Variants in EMP1 observed in about 807,000 individuals in gnomAD.
The protein encoded by EMP1 is epithelial membrane protein 1.
In EMP1, 5 loss-of-function variants were observed where a neutral mutation model predicts 15.7. The observed-to-expected ratio is 0.32, with a 90% CI of 0.17 to 0.67. The LOEUF (loss-of-function observed/expected upper bound fraction) is 0.67, where lower values mean the gene tolerates loss of function less well. EMP1 is among the 30% of genes least tolerant of loss of function. EMP1 has a pLI of 0.74. For missense variants in EMP1, 166 were observed against 194.2 expected, an observed-to-expected ratio of 0.85 and a Z score of 0.86; for synonymous variants, 78 against 76.7, an observed-to-expected ratio of 1.02 and a Z score of -0.09.
intron 1 of EMP1, among the ~76,000 whole-genome samples, chr12:13,204,970 G>A (rs1457107649): frequency 6.6e-6 from 1 of 152,198 alleles, no homozygotes; most frequent in Admixed American, 6.5e-5. Flanking sequence ...GGAAGAATTA[G>A]TCTAGTCAGG....
At chr12:13,203,593 G>T (rs1021812231) in intron 1 of EMP1, among the ~76,000 whole-genome samples, 4 of 152,224 alleles carry the variant, frequency 2.6e-5, no homozygotes, top group Non-Finnish European at 5.9e-5. Context: ...CCATTTCCCC[G>T]GCCCGAGCCT....
chr12:13,198,419 G>A (rs1864033561), intron 1 of EMP1, among the ~76,000 whole-genome samples: 1 of 152,224 alleles, frequency 6.6e-6, no homozygotes, highest in African/African-American at 2.4e-5. Context: ...CCTTTAGAAA[G>A]GCAGTACGTT....
intron 1 of EMP1, among the ~76,000 whole-genome samples, chr12:13,197,645 G>T (rs1348480694): frequency 6.6e-6 from 1 of 152,084 alleles, no homozygotes; most frequent in African/African-American, 2.4e-5. Context: ...CATGATGGCA[G>T]GTGCCTGTAA....
intron 1 of EMP1, among the ~76,000 whole-genome samples, chr12:13,206,617 G>A (rs1457434637): frequency 2.0e-5 from 3 of 152,192 alleles, no homozygotes; most frequent in Non-Finnish European, 4.4e-5. Flanking sequence ...TTAAAGAATT[G>A]CTGCTGCCGC....
In EMP1 at chr12:13,219,431, T is replaced by G. The variant is rs1864240903; in HGVS notation, c.*4740T>G. 6 of 152,212 alleles carry G rather than the reference T, an allele frequency of 3.9e-5. No individual in the cohort carries two copies. The highest frequency in any genetic ancestry group is 3.9e-4 in the Admixed American group (6 of 15,284). The allele number at this position is 152,212 out of a possible 1,614,324, so 9.4% of individuals were successfully genotyped here. The stretch of plus-strand genomic sequence containing the variant: ...AACAAGTCTCCAGGAAGCTCCAAAC[T>G]TTCCTTCATCTTCCTGTCTTCTTCT... On this transcript the variant is annotated 3_prime_UTR_variant, in exon 5 of 5. Transcript: ENST00000256951.
Position 13,219,645 on chromosome 12 carries a change from A to G in EMP1, c.*4954A>G, listed in dbSNP as rs1297188144. On this transcript the variant is annotated 3_prime_UTR_variant, in exon 5 of 5. Transcript: ENST00000256951. The stretch of plus-strand genomic sequence containing the variant: ...AGAAAAGAGGTTTAATTGACAAAAA[A>G]GCTAACAAAGTGAGCCCTGATTCAA... 1 of 152,216 alleles carries G rather than the reference A, an allele frequency of 6.6e-6. No homozygotes were observed. The highest frequency in any genetic ancestry group is 2.4e-5 in the African/African-American group (1 of 41,452). The allele number at this position is 152,216 out of a possible 1,614,324, so 9.4% of individuals were successfully genotyped here.
chr12:13,205,710 A>T (rs1206032589), intron 1 of EMP1, among the ~76,000 whole-genome samples: 1 of 152,236 alleles, frequency 6.6e-6, no homozygotes, highest in Non-Finnish European at 1.5e-5. Context: ...GGTTTTAATA[A>T]AAAGCTATGT....
At chr12:13,198,373 G>A (rs2121139722) in intron 1 of EMP1, among the ~76,000 whole-genome samples, 1 of 152,256 alleles carries the variant, frequency 6.6e-6, no homozygotes, top group South Asian at 2.1e-4. Flanking sequence ...AGATGAGAAT[G>A]ACAGGATTCA....
chr12:13,205,453 C>A (rs1034320507), intron 1 of EMP1, among the ~76,000 whole-genome samples: 1 of 151,550 alleles, frequency 6.6e-6, no homozygotes, highest in Non-Finnish European at 1.5e-5. Context: ...AAGTATTAAG[C>A]AATTTCTGAA....
intron 1 of EMP1, chr12:13,209,088 T>G (rs3983741): frequency 0.25 from 37,500 of 152,166 alleles, 5,015 homozygotes; most frequent in East Asian, 0.51. Flanking sequence ...ATTCTGTCAT[T>G]GGCCCCTCCA....
At chr12:13,214,091 G>A (rs1864191960) in intron 4 of EMP1, 1 of 629,648 alleles carries the variant, frequency 1.6e-6, no homozygotes, top group East Asian at 2.7e-5. Context: ...GACACTTCAA[G>A]AAGGCAGAAA....
intron 1 of EMP1, among the ~76,000 whole-genome samples, chr12:13,208,386 C>T (rs1370935395): frequency 3.3e-5 from 5 of 152,136 alleles, no homozygotes; most frequent in Admixed American, 2.6e-4. Flanking sequence ...GTGATCGCCT[C>T]CTCCCAGACT....
intron 2 of EMP1, among the ~76,000 whole-genome samples, chr12:13,213,000 G>T (rs1340375283): frequency 6.6e-6 from 1 of 152,232 alleles, no homozygotes; most frequent in East Asian, 1.9e-4. Context: ...TTAACCACTA[G>T]ATTCATTGTT....
chr12:13,208,861 C>G (rs115026162), intron 1 of EMP1, among the ~76,000 whole-genome samples: 1 of 152,124 alleles, frequency 6.6e-6, no homozygotes, highest in Non-Finnish European at 1.5e-5. Flanking sequence ...GCCAGGCACT[C>G]GCACACACCA....
rs1864236037 is a variant in EMP1 at position 13,218,803 on chromosome 12, A to T, written c.*4112A>T. On this transcript the variant is annotated 3_prime_UTR_variant, in exon 5 of 5. Coordinates refer to ENST00000256951, the MANE Select transcript of EMP1 (RefSeq NM_001423.3). ...GCTGGGGAAATAGAAAATGAAGCAG[A>T]CATGTGTCCCATCTTCTTCCAGCTT... is the stretch of plus-strand genomic sequence containing the variant. 3 of 152,352 alleles carry T rather than the reference A, an allele frequency of 2.0e-5. No homozygotes were observed. In the South Asian group the frequency reaches 6.2e-4, roughly 32 times the overall value. 9.4% of individuals were successfully genotyped at this position (152,352 alleles called of 1,614,324 possible).
intron 1 of EMP1, among the ~76,000 whole-genome samples, chr12:13,198,197 A>G (rs1565576340): frequency 6.6e-6 from 1 of 152,368 alleles, no homozygotes; most frequent in East Asian, 1.9e-4. Context: ...ATGTGATTGT[A>G]TAAATGCAAA....
chr12:13,216,551 G>C lies in EMP1; in HGVS notation c.*1860G>C. The stretch of plus-strand genomic sequence containing the variant: ...TATCCAAAGGGAATACTCACATTTT[G>C]TTAAGAAGTTGAACTATGACTGGAG... On this transcript the variant is annotated 3_prime_UTR_variant, in exon 5 of 5. Transcript: ENST00000256951. The C allele has an allele frequency of 3.0e-6, 2 of 673,992 alleles. No individual in the cohort carries two copies. Among genetic ancestry groups the C allele is most frequent in the Non-Finnish European group, 5.4e-6 (2 of 370,648 alleles). 41.8% of individuals were successfully genotyped at this position (673,992 alleles called of 1,614,324 possible). A position where few individuals can be genotyped will look rare whatever the true frequency, so the allele number is the denominator to read the frequency against.
In EMP1 at chr12:13,214,848, T is replaced by G; in HGVS notation, c.*157T>G. 6 of 617,088 alleles carry G rather than the reference T, an allele frequency of 9.7e-6. No individual in the cohort carries two copies. The highest frequency in any genetic ancestry group is 1.4e-5 in the Non-Finnish European group (5 of 369,284). 38.2% of individuals were successfully genotyped at this position (617,088 alleles called of 1,614,324 possible). A position where few individuals can be genotyped will look rare whatever the true frequency, so the allele number is the denominator to read the frequency against. On this transcript the variant is annotated 3_prime_UTR_variant, in exon 5 of 5. Transcript: ENST00000256951. The stretch of plus-strand genomic sequence containing the variant: ...AAATCCCAAACCATTACTGAGGGGA[T>G]TCTCTACTGCCAAGCCCCTGCCCTG...
At chr12:13,197,455 A>G (rs916627326) in intron 1 of EMP1, among the ~76,000 whole-genome samples, 2 of 152,024 alleles carry the variant, frequency 1.3e-5, no homozygotes, top group South Asian at 4.2e-4. Context: ...TCCTCACAGG[A>G]TGGGAAGAGG....
Sources: gnomAD v4.1 joint callset for allele counts (sites outside exome capture counted in the v4.1 genomes callset) on GRCh38, gnomAD v4.1.1 for gene constraint, MANE v1.5 for transcripts, NCBI Gene and HGNC (gene_info 2026-07-23, HGNC 2026-07-21) for gene names.